PCDHGA1: variants seen among roughly 807,000 people sequenced by gnomAD.
PCDHGA1 encodes the protein protocadherin gamma subfamily A, 1, also known as protocadherin gamma-A1.
A neutral mutation model predicts 58.0 loss-of-function variants in PCDHGA1; 32 were observed. That is an observed-to-expected ratio of 0.55 (90% CI 0.42 to 0.74). The LOEUF (loss-of-function observed/expected upper bound fraction) is 0.74. Among genes scored for constraint, PCDHGA1 ranks in the 30% least tolerant of loss-of-function variants. The pLI is 0.00. For synonymous variants in PCDHGA1, 498 were observed against 501.1 expected (o/e 0.99, Z 0.08); for missense variants, 1,205 against 1,182.3 (o/e 1.02, Z -0.28).
chr5:141,412,940 T>C, intron 1 of PCDHGA1: 1 of 463,218 alleles, frequency 2.2e-6, no homozygotes, highest in Non-Finnish European at 3.8e-6. Flanking sequence ...CTTAGGACTC[T>C]GAGCGCCGCT....
rs755220312 is a variant in PCDHGA1, at chr5:141,332,642, C to T, written c.1958C>T (p.Pro653Leu). ...GCCGTCCAGGACCACGGCCAGCCCC[C>T]GCTCTCCGCCACTGTCACGCTCACC... ...VVAVQDHGQP[P>L]LSATVTLTVA... The change falls in exon 1 of 4, where the codon CCG becomes CTG. Residue 653 changes from proline to leucine, a missense_variant. Physicochemically the swap from Pro to Leu is moderately conservative, Grantham distance 98 (BLOSUM62 -3). Coordinates refer to ENST00000517417, the MANE Select transcript of PCDHGA1 (RefSeq NM_018912.3). The surrounding 1 kb of genome is among the most constrained non-coding windows in gnomAD (Gnocchi z 4.6). The T allele has an allele frequency of 6.8e-6, 11 of 1,612,872 alleles. No individual in the cohort carries two copies. Among genetic ancestry groups the T allele is most frequent in the Non-Finnish European group, 9.3e-6 (11 of 1,179,804 alleles).
intron 2 of PCDHGA1, among the ~76,000 whole-genome samples, chr5:141,498,260 A>C (rs1044675509): frequency 6.6e-6 from 1 of 152,140 alleles, no homozygotes; most frequent in Non-Finnish European, 1.5e-5. Flanking sequence ...GCTGGTGTTG[A>C]GTTCTTCAGT....
chr5:141,461,216 T>C (rs1050704259), intron 1 of PCDHGA1, among the ~76,000 whole-genome samples: 2 of 152,168 alleles, frequency 1.3e-5, no homozygotes, highest in African/African-American at 4.8e-5. Flanking sequence ...ATCTCCATAC[T>C]GTTTTCCATA....
chr5:141,471,208 C>G (rs559571022), intron 1 of PCDHGA1: 1 of 151,664 alleles, frequency 6.6e-6, no homozygotes, highest in Non-Finnish European at 1.5e-5. Context: ...CACCCCCATG[C>G]CTGGCAATTT....
At chr5:141,416,405 T>C (rs948190812) in intron 1 of PCDHGA1, 1 of 152,200 alleles carries the variant, frequency 6.6e-6, no homozygotes, top group Non-Finnish European at 1.5e-5. Context: ...TTTGTCTTTT[T>C]TGTTAAATTT....
chr5:141,372,198 G>C lies in PCDHGA1; in HGVS notation c.2421+39093G>C, dbSNP rs776842752. The C allele has an allele frequency of 8.1e-6, 13 of 1,613,456 alleles. No individual in the cohort carries two copies. In the African/African-American group the frequency reaches 1.5e-4, roughly 18 times the overall value. On this transcript the variant is annotated intron_variant, in intron 1 of 3. Coordinates refer to ENST00000517417, the MANE Select transcript of PCDHGA1 (RefSeq NM_018912.3). ...GGTGGACGCAGACTCGGGATACAACGCCTGGCTGTCCTACCACATTGTGCA... is the reference window on the plus strand; with the variant it reads ...GGTGGACGCAGACTCGGGATACAACCCCTGGCTGTCCTACCACATTGTGCA...
At chr5:141,394,243 A>G (rs2092952699) in intron 1 of PCDHGA1, 2 of 1,613,844 alleles carry the variant, frequency 1.2e-6, no homozygotes, top group East Asian at 4.5e-5. Context: ...TTGACTGCAC[A>G]CGACCCCGAC....
chr5:141,371,426 C>G, intron 1 of PCDHGA1: 1 of 1,613,892 alleles, frequency 6.2e-7, no homozygotes, highest in Non-Finnish European at 8.5e-7. Flanking sequence ...ATGACAATGC[C>G]CCGGAGATAA....
At chr5:141,353,486 C>T (rs2149775311) in intron 1 of PCDHGA1, among the ~76,000 whole-genome samples, 1 of 152,174 alleles carries the variant, frequency 6.6e-6, no homozygotes, top group East Asian at 1.9e-4. Flanking sequence ...ACTCTTAACA[C>T]TTTGTCTCAT....
At position 141,399,372 on chromosome 5, in the gene PCDHGA1, T is replaced by A; in HGVS notation, c.2421+66267T>A. The A allele has an allele frequency of 1.2e-6, 2 of 1,613,970 alleles. 1 individual carries two copies. The highest frequency in any genetic ancestry group is 2.2e-5 in the South Asian group (2 of 91,086). On this transcript the variant is annotated intron_variant, in intron 1 of 3. Transcript: ENST00000517417. ...ACCGAGAGCAAACCCCGGAGTACAATGTCACCATCACAGCCACAGACAGGG... is the reference window on the plus strand; with the variant it reads ...ACCGAGAGCAAACCCCGGAGTACAAAGTCACCATCACAGCCACAGACAGGG...
At chr5:141,455,534 A>G (rs985347185) in intron 1 of PCDHGA1, among the ~76,000 whole-genome samples, 1 of 152,178 alleles carries the variant, frequency 6.6e-6, no homozygotes, top group Non-Finnish European at 1.5e-5. Flanking sequence ...GACCAGGCAT[A>G]TCATTCACGT....
intron 1 of PCDHGA1, chr5:141,339,877 A>C: frequency 1.2e-6 from 2 of 1,614,192 alleles, no homozygotes; most frequent in Non-Finnish European, 1.7e-6. Context: ...GAGAACTGAC[A>C]ATCATAAAAG....
intron 1 of PCDHGA1, chr5:141,372,601 T>A: frequency 7.4e-6 from 12 of 1,614,028 alleles, no homozygotes; most frequent in Non-Finnish European, 1.0e-5. Context: ...TTCAAGACTG[T>A]ACCTGGAGTT....
At chr5:141,433,422 A>G (rs1172678396) in intron 1 of PCDHGA1, among the ~76,000 whole-genome samples, 1 of 150,646 alleles carries the variant, frequency 6.6e-6, no homozygotes, top group Admixed American at 6.6e-5. Context: ...TCTTGTACAG[A>G]CAGGAGTCTC....
At chr5:141,467,643 C>G (rs2099147861) in intron 1 of PCDHGA1, among the ~76,000 whole-genome samples, 1 of 152,112 alleles carries the variant, frequency 6.6e-6, no homozygotes, top group Non-Finnish European at 1.5e-5. Flanking sequence ...TTATCATGTA[C>G]CAAACTTCTA....
At position 141,432,730 on chromosome 5, in the gene PCDHGA1, T is replaced by A; in HGVS notation, c.2422-62077T>A. 6.2e-7 allele frequency: 1 copy of A among 1,614,052 alleles called. No homozygotes were observed. Among genetic ancestry groups the A allele is most frequent in the Non-Finnish European group, 8.5e-7 (1 of 1,179,976 alleles). Reference sequence around the variant, plus strand: ...ACGGCCAGCCCCCTCTCTCCGCCACTGTCACGCTCACCGTGGCCGTGGCCG... The same window carrying A: ...ACGGCCAGCCCCCTCTCTCCGCCACAGTCACGCTCACCGTGGCCGTGGCCG... On this transcript the variant is annotated intron_variant, in intron 1 of 3. Transcript: ENST00000517417. The surrounding 1 kb of genome is among the most constrained non-coding windows in gnomAD (Gnocchi z 6.0).
At position 141,331,807 on chromosome 5, in the gene PCDHGA1, G is replaced by A. The variant is rs1756377232; in HGVS notation, c.1123G>A (p.Asp375Asn). The stretch of plus-strand genomic sequence containing the variant: ...TGCTCTTATCAGTGTGCATGACCAG[G>A]ACTCAGGAGACAATGGCTACACCAC... ...IIALISVHDQDSGDNGYTTCF... is the reference protein window; with the variant it reads ...IIALISVHDQNSGDNGYTTCF... Residue 375 changes from aspartate to asparagine, a missense_variant, in exon 1 of 4, where the codon GAC becomes AAC. Coordinates refer to ENST00000517417, the MANE Select transcript of PCDHGA1 (RefSeq NM_018912.3). 14 of 1,614,046 alleles carry A rather than the reference G, an allele frequency of 8.7e-6. No homozygotes were observed. The highest frequency in any genetic ancestry group is 1.7e-5 in the Admixed American group (1 of 60,008).
intron 1 of PCDHGA1, among the ~76,000 whole-genome samples, chr5:141,425,036 G>A (rs574813328): frequency 1.3e-5 from 2 of 152,238 alleles, no homozygotes; most frequent in East Asian, 3.9e-4. Context: ...GTCATTAGTT[G>A]TAAACTGACT....
chr5:141,338,824 C>A, intron 1 of PCDHGA1: 2 of 1,388,648 alleles, frequency 1.4e-6, no homozygotes, highest in South Asian at 3.6e-5. Context: ...TTCAGGACAC[C>A]AAAGAAATTC....
Sources: gnomAD v4.1 joint callset for allele counts (sites outside exome capture counted in the v4.1 genomes callset) on GRCh38, gnomAD v4.1.1 for gene constraint, Gnocchi (gnomAD v3.1) non-coding constraint, MANE v1.5 for transcripts, NCBI Gene and HGNC (gene_info 2026-07-23, HGNC 2026-07-21) for gene names.